Variants in SYNPO2 observed in about 807,000 individuals in gnomAD.
SYNPO2 encodes the protein synaptopodin 2.
SYNPO2 carries 56 observed loss-of-function variants against 85.0 expected under a neutral mutation model. The ratio of observed to expected loss-of-function variants is 0.66; its 90% CI spans 0.53 to 0.82. SYNPO2 has a LOEUF of 0.82. SYNPO2 is among the 40% of genes least tolerant of loss of function. SYNPO2 has a pLI of 0.00. For synonymous variants in SYNPO2, 602 were observed against 591.1 expected (o/e 1.02, Z -0.27); for missense variants, 1,575 against 1,534.2 (o/e 1.03, Z -0.44).
intron 1 of SYNPO2, among the ~76,000 whole-genome samples, chr4:118,890,760 G>T (rs1453275480): frequency 1.5e-5 from 2 of 129,592 alleles, no homozygotes; most frequent in Admixed American, 7.9e-5. Context: ...TGTGTGTAGG[G>T]AGAGAGAGAC....
intron 1 of SYNPO2, among the ~76,000 whole-genome samples, chr4:118,968,288 A>G (rs931930570): frequency 6.6e-5 from 10 of 152,248 alleles, no homozygotes; most frequent in Admixed American, 1.3e-4. Context: ...GCTAATGCCA[A>G]TCAGACCTCA....
At chr4:119,004,220 T>C (rs191125230) in intron 1 of SYNPO2, among the ~76,000 whole-genome samples, 27 of 151,512 alleles carry the variant, frequency 1.8e-4, no homozygotes, top group African/African-American at 6.6e-4. Context: ...TTGTTCAAAA[T>C]TACCTTTTTT....
chr4:119,033,212 T>A (rs919359314), intron 4 of SYNPO2: 2 of 985,428 alleles, frequency 2.0e-6, no homozygotes, highest in South Asian at 9.4e-5. Context: ...AGCACACAAT[T>A]ATTAGCATCA....
At chr4:118,869,143 A>G (rs6837460) in intron 1 of SYNPO2, among the ~76,000 whole-genome samples, 84,224 of 151,954 alleles carry the variant, frequency 0.55, 26,619 homozygotes, top group Admixed American at 0.69. Context: ...GGCAACCTCC[A>G]CCTCCCAGGT....
chr4:119,046,113 G>A (rs185816706), intron 4 of SYNPO2, among the ~76,000 whole-genome samples: 57 of 152,252 alleles, frequency 3.7e-4, no homozygotes, highest in Admixed American at 3.7e-3. Flanking sequence ...GAGGCCATAA[G>A]GTTGTTGAGA....
chr4:119,034,330 T>G, intron 4 of SYNPO2: 1 of 980,458 alleles, frequency 1.0e-6, no homozygotes. Context: ...AAAAGTATCC[T>G]AGGATGGTAA....
At chr4:118,996,687 T>A (rs1035687702) in intron 1 of SYNPO2, among the ~76,000 whole-genome samples, 2 of 147,952 alleles carry the variant, frequency 1.4e-5, no homozygotes, top group Non-Finnish European at 3.0e-5. Flanking sequence ...GAAACCCCAT[T>A]TCTATTCAAA....
intron 1 of SYNPO2, among the ~76,000 whole-genome samples, chr4:118,928,964 A>G (rs887010200): frequency 6.6e-6 from 1 of 152,160 alleles, no homozygotes; most frequent in Non-Finnish European, 1.5e-5. Flanking sequence ...ACACTTGTTT[A>G]ATTAACAGTT....
chr4:118,939,079 T>C (rs757927455), intron 1 of SYNPO2, among the ~76,000 whole-genome samples: 41 of 152,170 alleles, frequency 2.7e-4, no homozygotes, highest in Non-Finnish European at 2.2e-4. Flanking sequence ...TGGGTAAATA[T>C]TTATGTGAAA....
intron 4 of SYNPO2, among the ~76,000 whole-genome samples, chr4:119,045,054 G>A (rs1738834085): frequency 6.6e-6 from 1 of 152,198 alleles, no homozygotes; most frequent in African/African-American, 2.4e-5. Flanking sequence ...TACATGGTAT[G>A]CACACATTTC....
At chr4:118,876,452 C>T (rs1222443030) in intron 1 of SYNPO2, among the ~76,000 whole-genome samples, 1 of 152,124 alleles carries the variant, frequency 6.6e-6, no homozygotes, top group African/African-American at 2.4e-5. Flanking sequence ...CCCTCTGAAA[C>T]TCTTTTGTTT....
At chr4:118,991,934 A>G (rs1736433323) in intron 1 of SYNPO2, among the ~76,000 whole-genome samples, 1 of 152,200 alleles carries the variant, frequency 6.6e-6, no homozygotes, top group Admixed American at 6.5e-5. Flanking sequence ...ATAGTGCTTA[A>G]TGGAGTTCGA....
intron 4 of SYNPO2, among the ~76,000 whole-genome samples, chr4:119,047,428 T>G (rs946659360): frequency 6.6e-6 from 1 of 152,232 alleles, no homozygotes; most frequent in African/African-American, 2.4e-5. Context: ...TTATTAGTCC[T>G]GATTATGTGC....
At position 119,030,338 on chromosome 4, in the gene SYNPO2, A is replaced by G. The variant is rs756091040; in HGVS notation, c.1563A>G (p.Glu521=). Residue 521 remains glutamate (E), a synonymous_variant, in exon 4 of 5, where the codon GAA becomes GAG. Transcript: ENST00000307142. The part of the protein sequence containing the change: ...EDKVGGTPSR[E]QDAAQTDGLR... The stretch of plus-strand genomic sequence containing the variant: ...AGGTAGGTGGAACGCCAAGCAGAGA[A>G]CAAGATGCTGCCCAGACCGATGGCC... 7 of 1,614,012 alleles carry G rather than the reference A, an allele frequency of 4.3e-6. No homozygotes were observed. The African/African-American group carries it at 9.3e-5, about 22-fold the overall frequency.
chr4:118,858,057 C>T (rs1317464621), intron 1 of SYNPO2, among the ~76,000 whole-genome samples: 2 of 152,146 alleles, frequency 1.3e-5, no homozygotes, highest in Admixed American at 1.3e-4. Context: ...CGTTGGTTCT[C>T]TTTATATTCC....
chr4:118,878,862 T>G (rs562308971), intron 1 of SYNPO2, among the ~76,000 whole-genome samples: 1 of 152,174 alleles, frequency 6.6e-6, no homozygotes, highest in Non-Finnish European at 1.5e-5. Flanking sequence ...AGGCACCCAC[T>G]CAGGTCCTTT....
chr4:118,865,098 T>G (rs1293930011), intron 1 of SYNPO2, among the ~76,000 whole-genome samples: 1 of 152,128 alleles, frequency 6.6e-6, no homozygotes, highest in Non-Finnish European at 1.5e-5. Flanking sequence ...AGGTGGGAAT[T>G]TGTGGGGCCA....
chr4:118,857,130 G>T (rs1731520629), intron 1 of SYNPO2, among the ~76,000 whole-genome samples: 1 of 152,010 alleles, frequency 6.6e-6, no homozygotes. Flanking sequence ...CTCAGCAATT[G>T]CCACAGGATC....
At position 119,031,537 on chromosome 4, in the gene SYNPO2, C is replaced by A; in HGVS notation, c.2762C>A (p.Pro921His). Residue 921 changes from proline (P) to histidine (H), a missense_variant, in exon 4 of 5, where the codon CCT becomes CAT. Transcript: ENST00000307142. ...TACTCCTCCAATGTCCGAGCACCTC[C>A]TCCTGTGGCCTATAATCCTATCCAC... ...WKYSSNVRAP[P>H]PVAYNPIHSP... 2 of 1,614,190 alleles carry A rather than the reference C, an allele frequency of 1.2e-6. No homozygotes were observed. Among genetic ancestry groups the A allele is most frequent in the East Asian group, 4.5e-5 (2 of 44,880 alleles).
Sources: gnomAD v4.1 joint callset for allele counts (sites outside exome capture counted in the v4.1 genomes callset) on GRCh38, gnomAD v4.1.1 for gene constraint, MANE v1.5 for transcripts, NCBI Gene and HGNC (gene_info 2026-07-23, HGNC 2026-07-21) for gene names.